SVEP1: variants seen among roughly 807,000 people sequenced by gnomAD.
SVEP1 encodes the protein sushi, von Willebrand factor type A, EGF and pentraxin domain containing 1.
SVEP1 carries 164 observed loss-of-function variants against 367.3 expected under a neutral mutation model. The ratio of observed to expected loss-of-function variants is 0.45; its 90% confidence interval spans 0.39 to 0.51. The LOEUF is 0.51. Among genes scored for constraint, SVEP1 ranks in the 20% least tolerant of loss-of-function variants. The pLI, the probability that SVEP1 is intolerant of heterozygous loss-of-function variation, is 0.00. For synonymous variants in SVEP1, 1,666 were observed against 1,611.6 expected (o/e 1.03, Z -0.81); for missense variants, 4,117 against 4,425.3 (o/e 0.93, Z 1.98).
intron 5 of SVEP1, among the ~76,000 whole-genome samples, chr9:110,504,488 A>G (rs1290437148): frequency 1.3e-5 from 2 of 152,254 alleles, no homozygotes; most frequent in Admixed American, 6.5e-5. Flanking sequence ...GTATAAGTAT[A>G]TGATACTGTG....
At chr9:110,471,144 T>G (rs1425545623) in intron 16 of SVEP1, among the ~76,000 whole-genome samples, 1 of 152,210 alleles carries the variant, frequency 6.6e-6, no homozygotes, top group East Asian at 1.9e-4. Context: ...TAAAGATCTT[T>G]AAATAAAAAT....
At chr9:110,541,445 G>T (rs1830143530) in intron 3 of SVEP1, among the ~76,000 whole-genome samples, 1 of 152,046 alleles carries the variant, frequency 6.6e-6, no homozygotes, top group African/African-American at 2.4e-5. Context: ...TTTACTAGGT[G>T]CAAGGCCTGT....
At chr9:110,367,519 T>C (rs1028730957) in intron 47 of SVEP1, among the ~76,000 whole-genome samples, 12 of 152,202 alleles carry the variant, frequency 7.9e-5, no homozygotes, top group Admixed American at 1.3e-4. Flanking sequence ...GAAAAACTTA[T>C]ACGGTAACAT....
At position 110,387,381 on chromosome 9, in the gene SVEP1, C is replaced by T; in HGVS notation, c.9964G>A (p.Val3322Ile). 1 of 1,613,624 alleles carries T rather than the reference C, an allele frequency of 6.2e-7. No homozygotes were observed. Among genetic ancestry groups the T allele is most frequent in the Non-Finnish European group, 8.5e-7 (1 of 1,179,800 alleles). The change falls in exon 42 of 48, where the codon GTA becomes ATA. Residue 3322 changes from valine to isoleucine, a missense_variant. Transcript: ENST00000374469. ...CTGTAGCCTCTGTTGCAGGAATATA[C>T]CACGTTGGGTCCAGTCGTCCTGTTT... ...IENRTTGPNV[V>I]YSCNRGYSLE... is the part of the protein sequence containing the mutation.
At chr9:110,417,151 C>T (rs1828136638) in intron 36 of SVEP1, among the ~76,000 whole-genome samples, 1 of 151,602 alleles carries the variant, frequency 6.6e-6, no homozygotes. Flanking sequence ...GTCTACAGCT[C>T]CCAGCGTGAG....
chr9:110,558,830 A>G (rs1830387745), intron 1 of SVEP1, among the ~76,000 whole-genome samples: 1 of 152,076 alleles, frequency 6.6e-6, no homozygotes, highest in South Asian at 2.1e-4. Flanking sequence ...AATACTACCA[A>G]ACTGAATTCA....
At chr9:110,390,216 T>TATATATACACATAC (rs1827620680) in intron 40 of SVEP1, among the ~76,000 whole-genome samples, 1 of 103,396 alleles carries the variant, frequency 9.7e-6, no homozygotes, top group Non-Finnish European at 1.9e-5. Context: ...TGTATATACT[T>TATATATACACATAC]GTATATATAC....
At chr9:110,574,641 A>C (rs890067482) in intron 1 of SVEP1, among the ~76,000 whole-genome samples, 2 of 151,984 alleles carry the variant, frequency 1.3e-5, no homozygotes, top group Non-Finnish European at 2.9e-5. Context: ...TCTAAATCTT[A>C]TATTTTAGTT....
At chr9:110,502,937 C>T in intron 6 of SVEP1, 101 bp downstream of exon 6, 2 of 1,268,632 alleles carry the variant, frequency 1.6e-6, no homozygotes, top group South Asian at 3.0e-5. Flanking sequence ...TATTTATACT[C>T]ATTACCAGCT....
At chr9:110,517,751 T>TAAAAAAAAAAAAAAAAAAAAAAAAAA (rs5899902) in intron 3 of SVEP1, among the ~76,000 whole-genome samples, 1 of 50,528 alleles carries the variant, frequency 2.0e-5, no homozygotes, top group Non-Finnish European at 3.4e-5. Context: ...ACCTGGCTCT[T>TAAAAAAAAAAAAAAAAAAAAAAAAAA]AAAAAAAAAA....
chr9:110,489,163 T>C (rs1257839848), intron 9 of SVEP1, among the ~76,000 whole-genome samples: 1 of 152,138 alleles, frequency 6.6e-6, no homozygotes, highest in Admixed American at 6.5e-5. Flanking sequence ...TTTGAGCAAG[T>C]TTCAATGCCA....
At chr9:110,492,930 T>G (rs1829391532) in intron 8 of SVEP1, among the ~76,000 whole-genome samples, 1 of 152,102 alleles carries the variant, frequency 6.6e-6, no homozygotes, top group Non-Finnish European at 1.5e-5. Context: ...GGTGGCTGCA[T>G]CTCTCCTGGT....
intron 27 of SVEP1, among the ~76,000 whole-genome samples, chr9:110,438,697 G>A (rs1828468666): frequency 6.6e-6 from 1 of 152,088 alleles, no homozygotes; most frequent in Non-Finnish European, 1.5e-5. Flanking sequence ...TTGATTTCTG[G>A]TAGTTAAACT....
chr9:110,394,135 G>C (rs1225451775), intron 40 of SVEP1, among the ~76,000 whole-genome samples: 1 of 152,014 alleles, frequency 6.6e-6, no homozygotes, highest in Non-Finnish European at 1.5e-5. Context: ...ACCTCACATG[G>C]CCGGGTATTC....
In SVEP1 at chr9:110,375,383, AC is replaced by A; in HGVS notation, c.10584del (p.Ser3529LeufsTer13). The A allele has an allele frequency of 6.6e-7, 1 of 1,524,436 alleles. No homozygotes were observed. Among genetic ancestry groups the A allele is most frequent in the Non-Finnish European group, 8.8e-7 (1 of 1,130,726 alleles). 94.4% of individuals were successfully genotyped at this position (1,524,436 alleles called of 1,614,324 possible). On this transcript the variant is annotated frameshift_variant, in exon 46 of 48. Transcript: ENST00000374469. LOFTEE classifies it high-confidence loss of function. ...AGAGGCCTACCTGTATGACAGCGAG[AC>A]CCCGTCCAGCCAGGCGGGCAGTCAC... Reference protein sequence around the residue: ...YQCDCPPGWTGSRCHTAVCQS... With the variant: ...YQCDCPPGWTXSRCHTAVCQS...
At chr9:110,559,261 A>T (rs1174868064) in intron 1 of SVEP1, among the ~76,000 whole-genome samples, 1 of 152,102 alleles carries the variant, frequency 6.6e-6, no homozygotes, top group Non-Finnish European at 1.5e-5. Flanking sequence ...CCCTCTAAAA[A>T]AATCAGAATT....
intron 30 of SVEP1, among the ~76,000 whole-genome samples, chr9:110,433,364 CAAAAAA>C (rs10611877): frequency 0.046 from 3,719 of 80,616 alleles, 95 homozygotes; most frequent in Admixed American, 0.095. Flanking sequence ...GTAGATAGGC[CAAAAAA>C]AAAAAAAAAA....
In SVEP1 at chr9:110,482,429, A is replaced by G. The variant is rs201656897; in HGVS notation, c.2102T>C (p.Ile701Thr). ...QGDLFPQGET[I>T]VQYTATDPSG... Reference sequence around the variant, plus strand: ...GGGGTCAGTGGCTGTATACTGTACTATAGTCTCCCCTTGAGGGAAAAGGTC... The same window carrying G: ...GGGGTCAGTGGCTGTATACTGTACTGTAGTCTCCCCTTGAGGGAAAAGGTC... The change falls in exon 11 of 48, where the codon ATA (isoleucine) becomes ACA (threonine). Residue 701 changes from isoleucine to threonine, a missense_variant. This residue lies in a region of SVEP1 where 2,174 missense variants were observed against 2,494.3 expected (regional missense o/e 0.87). Coordinates refer to ENST00000374469, the MANE Select transcript of SVEP1 (RefSeq NM_153366.4). The G allele has an allele frequency of 9.4e-5, 151 of 1,608,758 alleles. 1 individual carries two copies. Among genetic ancestry groups the G allele is most frequent in the Middle Eastern group, 1.7e-4 (1 of 5,934 alleles).
At position 110,365,734 on chromosome 9, in the gene SVEP1, C is replaced by T. The variant is rs890491213; in HGVS notation, c.*805G>A. 6.6e-6 allele frequency: 1 copy of T among 152,178 alleles called. No homozygotes were observed. The highest frequency in any genetic ancestry group is 2.4e-5 in the African/African-American group (1 of 41,394). 9.4% of individuals were successfully genotyped at this position (152,178 alleles called of 1,614,324 possible). A position where few individuals can be genotyped will look rare whatever the true frequency, so the allele number is the denominator to read the frequency against. On this transcript the variant is annotated 3_prime_UTR_variant, in exon 48 of 48. Transcript: ENST00000374469. Reference sequence around the variant, plus strand: ...TCTTTCCCTGTCTTCCCCTTCCTCCCAAAATAGTGAGTTGTGGGATTACCA... The same window carrying T: ...TCTTTCCCTGTCTTCCCCTTCCTCCTAAAATAGTGAGTTGTGGGATTACCA...
Sources: gnomAD v4.1 joint callset for allele counts (sites outside exome capture counted in the v4.1 genomes callset) on GRCh38, gnomAD v4.1.1 for gene constraint, gnomAD v4.1.1 regional missense constraint, MANE v1.5 for transcripts, NCBI Gene and HGNC (gene_info 2026-07-23, HGNC 2026-07-21) for gene names.